The following RARB variants were observed in gnomAD, a reference collection of about 807,000 sequenced individuals.
RARB encodes the protein retinoic acid receptor beta.
RARB carries 17 observed loss-of-function variants against 51.9 expected under a neutral mutation model. The ratio of observed to expected loss-of-function variants is 0.33; its 90% CI spans 0.22 to 0.49. The LOEUF is 0.49. Among genes scored for constraint, RARB ranks in the 20% least tolerant of loss-of-function variants. The pLI is 0.99. For missense variants in RARB, 369 were observed against 550.8 expected (o/e 0.67, Z 3.30); for synonymous variants, 215 against 195.4 (o/e 1.10, Z -0.84).
rs373727877 is a variant in RARB, at chr3:25,507,686, C to T, written c.448+6363C>T. On this transcript the variant is annotated intron_variant, in intron 3 of 7. Coordinates refer to ENST00000330688, the MANE Select transcript of RARB (RefSeq NM_000965.5). ...GATGGACATGTATTGGGGTTTGGAC[C>T]TTACTTTTGCCAAACCTTAGCTATC... Among the ~76,000 whole-genome samples the T allele has an allele frequency of 2.6e-5, 4 of 152,138 alleles. No individual in the cohort carries two copies. The East Asian group carries it at 7.7e-4, about 29-fold the overall frequency.
chr3:25,204,099 C>G (rs901864889), intron 5 of RARB, among the ~76,000 whole-genome samples: 27 of 152,186 alleles, frequency 1.8e-4, no homozygotes, highest in African/African-American at 6.3e-4. Flanking sequence ...TTCACATAGT[C>G]CCATATTTCT....
intron 4 of RARB, among the ~76,000 whole-genome samples, chr3:25,161,520 A>G (rs889895076): frequency 2.6e-5 from 4 of 152,092 alleles, no homozygotes; most frequent in Non-Finnish European, 5.9e-5. Context: ...TTAATGTAGA[A>G]TTGTAAATTA....
intron 2 of RARB, among the ~76,000 whole-genome samples, chr3:24,921,825 G>A (rs1695223103): frequency 6.6e-6 from 1 of 152,198 alleles, no homozygotes. Flanking sequence ...ATCCAATGCA[G>A]CAATTCTTAG....
chr3:25,554,610 G>A (rs776182433), intron 3 of RARB, among the ~76,000 whole-genome samples: 17 of 152,176 alleles, frequency 1.1e-4, no homozygotes, highest in South Asian at 2.1e-4. Context: ...GAGGAACCAC[G>A]TCTGCCTCTT....
At chr3:25,302,678 G>A (rs1704069336) in intron 5 of RARB, among the ~76,000 whole-genome samples, 1 of 152,220 alleles carries the variant, frequency 6.6e-6, no homozygotes, top group African/African-American at 2.4e-5. Context: ...AGATTAGATA[G>A]TGGTGATATT....
At chr3:24,897,825 C>T (rs1703511059) in intron 2 of RARB, among the ~76,000 whole-genome samples, 1 of 151,556 alleles carries the variant, frequency 6.6e-6, no homozygotes. Flanking sequence ...AAAGAAACTG[C>T]CGGACATCTA....
intron 5 of RARB, among the ~76,000 whole-genome samples, chr3:25,299,622 G>A (rs767581195): frequency 1.3e-5 from 2 of 152,146 alleles, no homozygotes; most frequent in African/African-American, 2.4e-5. Context: ...TTTTTAAAAA[G>A]ACGGTTATTT....
chr3:24,979,239 G>T (rs995486512), intron 2 of RARB, among the ~76,000 whole-genome samples: 3 of 152,204 alleles, frequency 2.0e-5, no homozygotes, highest in Non-Finnish European at 4.4e-5. Context: ...TTGATTTGGG[G>T]TGGAAAGTTC....
rs922776804 is a variant in RARB at position 25,106,598 on chromosome 3, C to T, written c.-327-25563C>T. ...GTTTACAGGCATGAGCCCATGGCAC[C>T]TGGCTCATTTAAGTAAATTTAACAG... On this transcript the variant is annotated intron_variant, in intron 3 of 11. Coordinates refer to the RARB transcript ENST00000383772. Among the ~76,000 whole-genome samples, 58 of 151,496 alleles carry T rather than the reference C, an allele frequency of 3.8e-4. 1 individual carries two copies. Among genetic ancestry groups the T allele is most frequent in the Non-Finnish European group, 6.5e-4 (44 of 67,920 alleles).
chr3:24,860,574 C>G (rs890207639), intron 2 of RARB, among the ~76,000 whole-genome samples: 1 of 152,150 alleles, frequency 6.6e-6, no homozygotes, highest in South Asian at 2.1e-4. Context: ...CTGCTGCTCC[C>G]TCTTACTCTC....
intron 2 of RARB, among the ~76,000 whole-genome samples, chr3:24,866,114 G>A (rs1559376143): frequency 6.6e-6 from 1 of 152,038 alleles, no homozygotes; most frequent in Non-Finnish European, 1.5e-5. Context: ...CTGGCCCCAG[G>A]ATGAAGTCTA....
At chr3:25,030,290 T>C (rs771131055) in intron 2 of RARB, among the ~76,000 whole-genome samples, 2 of 152,256 alleles carry the variant, frequency 1.3e-5, no homozygotes, top group South Asian at 4.1e-4. Flanking sequence ...AAATTACATA[T>C]ATTTTTTAAA....
intron 1 of RARB, among the ~76,000 whole-genome samples, chr3:24,836,807 G>A (rs565049862): frequency 6.6e-6 from 1 of 152,290 alleles, no homozygotes; most frequent in South Asian, 2.1e-4. Context: ...ATTCACGTTA[G>A]GAAAAAGAGG....
chr3:25,437,183 G>A (rs77815743), intron 1 of RARB, among the ~76,000 whole-genome samples: 9,819 of 147,738 alleles, frequency 0.066, 427 homozygotes, highest in Middle Eastern at 0.12. Flanking sequence ...ATGATCCCTC[G>A]GTCTATAGCT....
At chr3:25,349,826 T>G (rs1008777282) in intron 5 of RARB, among the ~76,000 whole-genome samples, 1 of 152,244 alleles carries the variant, frequency 6.6e-6, no homozygotes, top group Non-Finnish European at 1.5e-5. Flanking sequence ...TCTTTGCTCA[T>G]GAGTCTACAA....
chr3:24,950,631 T>G (rs11716581), intron 2 of RARB, among the ~76,000 whole-genome samples: 45,500 of 151,670 alleles, frequency 0.3, 7,278 homozygotes, highest in African/African-American at 0.39. Context: ...TTGTCATGTT[T>G]GCTATGTGCA....
At chr3:25,572,273 T>C (rs746737333) in intron 4 of RARB, among the ~76,000 whole-genome samples, 27 of 152,174 alleles carry the variant, frequency 1.8e-4, no homozygotes, top group Non-Finnish European at 2.9e-5. Context: ...TAATTGATGG[T>C]TGTGGTCAAA....
intron 5 of RARB, among the ~76,000 whole-genome samples, chr3:25,416,552 T>C (rs1707709497): frequency 6.6e-6 from 1 of 152,210 alleles, no homozygotes; most frequent in African/African-American, 2.4e-5. Context: ...AGTCAGCAAG[T>C]TTTTTTCTCT....
chr3:25,186,835 A>G (rs1480790525), intron 5 of RARB, among the ~76,000 whole-genome samples: 2 of 151,422 alleles, frequency 1.3e-5, no homozygotes, highest in African/African-American at 4.9e-5. Flanking sequence ...AATGTAAGTT[A>G]TATATGCTTG....
Sources: gnomAD v4.1 joint callset for allele counts (sites outside exome capture counted in the v4.1 genomes callset) on GRCh38, gnomAD v4.1.1 for gene constraint, MANE v1.5 for transcripts, NCBI Gene and HGNC (gene_info 2026-07-23, HGNC 2026-07-21) for gene names.